SMAD7: variants seen among roughly 807,000 people sequenced by gnomAD.
SMAD7 encodes the protein SMAD family member 7, also known as MAD (mothers against decapentaplegic, Drosophila) homolog 7.
In SMAD7, 8 loss-of-function variants were observed where a neutral mutation model predicts 38.7. The ratio of observed to expected loss-of-function variants is 0.21; its 90% CI spans 0.12 to 0.37. The LOEUF (loss-of-function observed/expected upper bound fraction) is 0.37, where lower values mean the gene tolerates loss of function less well. SMAD7 is among the 10% of genes least tolerant of loss of function. The pLI is 1.00. For missense variants in SMAD7, 477 were observed against 577.9 expected, an observed-to-expected ratio of 0.83 and a Z score of 1.79; for synonymous variants, 327 against 265.1, an observed-to-expected ratio of 1.23 and a Z score of -2.27.
Position 48,921,821 on chromosome 18 carries a change from A to C in SMAD7, c.832T>G (p.Cys278Gly), listed in dbSNP as rs756600509. The change falls in exon 4 of 4, where the codon TGT becomes GGT. Residue 278 changes from cysteine (C) to glycine (G), a missense_variant. Cys to Gly is a radical substitution (Grantham distance 159). Around this residue, in one of 2 missense-constraint regions of SMAD7, gnomAD observed 376 missense variants for 379.4 expected, o/e 0.99. Coordinates refer to ENST00000262158, the MANE Select transcript of SMAD7 (RefSeq NM_005904.4). This position sits in a 1 kb window ranked among gnomAD's most constrained non-coding sequence, Gnocchi z 6.4. ...ATATCCAGAGAGGGCTCCTGGACAC[A>C]GTAGAGCCTCCCCACTCTCGTCTTC... ...EEKTRVGRLY[C>G]VQEPSLDIFY... is the part of the protein sequence containing the mutation. 1 of 1,613,928 alleles carries C rather than the reference A, an allele frequency of 6.2e-7. No homozygotes were observed.
chr18:48,942,844 C>T (rs765574421), intron 2 of SMAD7: 172 of 1,179,262 alleles, frequency 1.5e-4, no homozygotes, highest in Non-Finnish European at 1.7e-4. Flanking sequence ...TCCCCCATTA[C>T]GGATACCAGG....
chr18:48,925,537 G>C (rs1358993453), intron 3 of SMAD7, among the ~76,000 whole-genome samples: 1 of 152,046 alleles, frequency 6.6e-6, no homozygotes, highest in Admixed American at 6.6e-5. Flanking sequence ...CTGTGTTTGC[G>C]CTCCAACTGG....
intron 3 of SMAD7, among the ~76,000 whole-genome samples, chr18:48,937,349 G>A (rs547403694): frequency 8.0e-5 from 12 of 150,722 alleles, no homozygotes; most frequent in African/African-American, 2.9e-4. Flanking sequence ...GTCACCAAAA[G>A]TGACACCACC....
chr18:48,947,406 C>T (rs1344786492), intron 2 of SMAD7, among the ~76,000 whole-genome samples: 1 of 152,224 alleles, frequency 6.6e-6, no homozygotes, highest in Non-Finnish European at 1.5e-5. Flanking sequence ...GGCGGAAGGA[C>T]TTGCAGAATT....
At chr18:48,949,664 A>G (rs1177950649) in intron 1 of SMAD7, 148 bp downstream of exon 1, 6 of 809,804 alleles carry the variant, frequency 7.4e-6, no homozygotes, top group Non-Finnish European at 1.1e-5. Flanking sequence ...GAGGGTATGC[A>G]CACTCTCCCA....
chr18:48,945,940 T>C (rs1293241511), intron 2 of SMAD7, among the ~76,000 whole-genome samples: 1 of 152,108 alleles, frequency 6.6e-6, no homozygotes, highest in Non-Finnish European at 1.5e-5. Context: ...CTCCCCTAGG[T>C]TCAGTCATGT....
chr18:48,939,318 G>A (rs1453087382), intron 3 of SMAD7, among the ~76,000 whole-genome samples: 1 of 152,030 alleles, frequency 6.6e-6, no homozygotes. Context: ...GAGGAAACTT[G>A]CAAGGGTGGG....
At chr18:48,926,817 C>G (rs1452843442) in intron 3 of SMAD7, among the ~76,000 whole-genome samples, 1 of 152,204 alleles carries the variant, frequency 6.6e-6, no homozygotes, top group Non-Finnish European at 1.5e-5. Context: ...AGCACCCATC[C>G]CCTGCTCCCA....
intron 2 of SMAD7, among the ~76,000 whole-genome samples, chr18:48,946,000 GT>G (rs1459593365): frequency 2.6e-5 from 4 of 152,138 alleles, no homozygotes; most frequent in African/African-American, 9.7e-5. Flanking sequence ...CAGTACCTAG[GT>G]GTCTAAAGTC....
Position 48,921,786 on chromosome 18 carries a change from A to G in SMAD7, c.867T>C (p.Asp289=). 1 of 1,614,160 alleles carries G rather than the reference A, an allele frequency of 6.2e-7. No individual in the cohort carries two copies. Among genetic ancestry groups the G allele is most frequent in the Non-Finnish European group, 8.5e-7 (1 of 1,180,032 alleles). The part of the protein sequence containing the change: ...VQEPSLDIFY[D]LPQGNGFCLG... ...GGCAAAAGCCATTCCCCTGAGGTAG[A>G]TCATAGAAGATATCCAGAGAGGGCT... is the stretch of plus-strand genomic sequence containing the variant. The change falls in exon 4 of 4, where the codon GAT becomes GAC. Residue 289 remains aspartate, a synonymous_variant. Transcript: ENST00000262158. The surrounding 1 kb of genome is among the most constrained non-coding windows in gnomAD (Gnocchi z 6.4).
chr18:48,929,567 T>TCACACACACACACA (rs112497008), intron 3 of SMAD7, among the ~76,000 whole-genome samples: 142 of 61,770 alleles, frequency 2.3e-3, no homozygotes, highest in Middle Eastern at 0.018. Context: ...TCTCTCTCTC[T>TCACACACACACACA]CTCACTCACA....
chr18:48,932,118 G>A (rs2070009528), intron 3 of SMAD7, among the ~76,000 whole-genome samples: 1 of 152,200 alleles, frequency 6.6e-6, no homozygotes, highest in South Asian at 2.1e-4. Context: ...TTCATGAGGG[G>A]GTGGGGCAGG....
intron 2 of SMAD7, among the ~76,000 whole-genome samples, chr18:48,946,437 G>T (rs867053299): frequency 3.9e-5 from 6 of 152,020 alleles, no homozygotes; most frequent in African/African-American, 1.2e-4. Context: ...GGGCGGGGGG[G>T]GTGTGCTCCA....
chr18:48,949,721 A>G, intron 1 of SMAD7, 91 bp downstream of exon 1: 1 of 1,391,726 alleles, frequency 7.2e-7, no homozygotes, highest in Non-Finnish European at 9.7e-7. Flanking sequence ...CTCCCCCTGG[A>G]GGGATGGCTG....
intron 3 of SMAD7, among the ~76,000 whole-genome samples, chr18:48,937,606 G>A (rs1400717427): frequency 6.6e-6 from 1 of 152,220 alleles, no homozygotes; most frequent in African/African-American, 2.4e-5. Context: ...CACTGCAGAA[G>A]AGGCGGGGTC....
At chr18:48,940,872 C>T (rs751756917) in intron 3 of SMAD7, among the ~76,000 whole-genome samples, 2 of 151,778 alleles carry the variant, frequency 1.3e-5, no homozygotes, top group South Asian at 2.1e-4. Flanking sequence ...ATGGCACGGG[C>T]GGGTGAGGAG....
intron 2 of SMAD7, among the ~76,000 whole-genome samples, chr18:48,945,481 T>C (rs2070185302): frequency 6.6e-6 from 1 of 152,108 alleles, no homozygotes; most frequent in Non-Finnish European, 1.5e-5. Flanking sequence ...AACACAGCAC[T>C]GCATCGGAAT....
chr18:48,947,893 C>T (rs1176792937), intron 2 of SMAD7, among the ~76,000 whole-genome samples: 1 of 32,794 alleles, frequency 3.0e-5, no homozygotes, highest in East Asian at 3.8e-4. Flanking sequence ...GAGGAACCTA[C>T]CCCCCCCCCC....
At chr18:48,925,655 T>G (rs2069918154) in intron 3 of SMAD7, among the ~76,000 whole-genome samples, 1 of 152,202 alleles carries the variant, frequency 6.6e-6, no homozygotes. Context: ...GGCTCGTGAA[T>G]GAACCTCACA....
Sources: allele counts gnomAD v4.1 joint callset (sites outside exome capture counted in the v4.1 genomes callset), GRCh38; gene constraint gnomAD v4.1.1; regional missense constraint gnomAD v4.1.1; non-coding constraint Gnocchi (gnomAD v3.1); transcripts MANE v1.5; gene names NCBI Gene and HGNC (gene_info 2026-07-23, HGNC 2026-07-21).